The following ABLIM1 variants were observed in gnomAD, a reference collection of about 807,000 sequenced individuals.
ABLIM1 encodes the protein actin binding LIM protein 1.
A neutral mutation model predicts 107.0 loss-of-function variants in ABLIM1; 40 were observed. That is an observed-to-expected ratio of 0.37 (90% CI 0.29 to 0.49). The LOEUF is 0.49. Among genes scored for constraint, ABLIM1 ranks in the 20% least tolerant of loss-of-function variants. The pLI, the probability that ABLIM1 is intolerant of heterozygous loss-of-function variation, is 0.97. For synonymous variants in ABLIM1, 357 were observed against 357.3 expected (o/e 1.00, Z 0.01); for missense variants, 857 against 1,008.5 (o/e 0.85, Z 2.04).
At chr10:114,781,672 A>G in the ABLIM1 span, among the ~76,000 whole-genome samples, 2 of 145,554 alleles carry the variant, frequency 1.4e-5, no homozygotes, top group African/African-American at 2.6e-5. Flanking sequence ...GTGTATATAT[A>G]TATATATATA....
chr10:114,613,827 G>A, intron 1 of ABLIM1: 1 of 1,005,370 alleles, frequency 9.9e-7, no homozygotes, highest in East Asian at 6.1e-5. Flanking sequence ...GCTCCTTCAA[G>A]CTCTCTTATG....
chr10:114,444,129 G>C lies in ABLIM1; in HGVS notation c.1833C>G (p.Asn611Lys). 1 of 1,538,730 alleles carries C rather than the reference G, an allele frequency of 6.5e-7. No homozygotes were observed. Among genetic ancestry groups the C allele is most frequent in the Non-Finnish European group, 8.8e-7 (1 of 1,136,306 alleles). The change falls in exon 17 of 23, where the codon AAC becomes AAG. Residue 611 changes from asparagine (N) to lysine (K), a missense_variant. By Grantham distance (94) the Asn-to-Lys change is moderately conservative. This residue lies in a region of ABLIM1 where 4 missense variants were observed against 18.7 expected (regional missense o/e 0.21). Coordinates refer to ENST00000533213, the MANE Select transcript of ABLIM1 (RefSeq NM_002313.7). ...QLQEEQLMKLNSGLGQLILKE... is the reference protein window; with the variant it reads ...QLQEEQLMKLKSGLGQLILKE... ...TCAAGATCAACTGTCCCAGGCCTGA[G>C]TTAAGCTATTCACAGAAAAAAGGAA...
chr10:114,566,018 A>C (rs1486624737), intron 4 of ABLIM1, among the ~76,000 whole-genome samples: 1 of 151,958 alleles, frequency 6.6e-6, no homozygotes, highest in Non-Finnish European at 1.5e-5. Context: ...GATGGTCTCT[A>C]TCTCCTGACC....
the ABLIM1 span, among the ~76,000 whole-genome samples, chr10:114,791,039 AT>A: frequency 9.2e-5 from 14 of 152,330 alleles, no homozygotes; most frequent in East Asian, 2.5e-3. Flanking sequence ...TTAAAAAAAA[AT>A]CTGCCAAATC....
intron 1 of ABLIM1, among the ~76,000 whole-genome samples, chr10:114,604,694 A>C (rs1038399493): frequency 1.3e-5 from 2 of 152,248 alleles, no homozygotes; most frequent in Non-Finnish European, 2.9e-5. Context: ...TAGAATTTCA[A>C]AAGTAATTCA....
At chr10:114,489,231 T>C (rs2058608160) in intron 7 of ABLIM1, among the ~76,000 whole-genome samples, 1 of 152,126 alleles carries the variant, frequency 6.6e-6, no homozygotes, top group Admixed American at 6.5e-5. Context: ...TTGGCCAGGC[T>C]CTTTGGAACT....
intron 1 of ABLIM1, among the ~76,000 whole-genome samples, chr10:114,638,060 T>C (rs2078568047): frequency 6.6e-6 from 1 of 152,218 alleles, no homozygotes; most frequent in African/African-American, 2.4e-5. Context: ...GATGGACATA[T>C]CTATTTTTGC....
At chr10:114,667,126 G>A (rs992615507) in intron 1 of ABLIM1, among the ~76,000 whole-genome samples, 3 of 152,148 alleles carry the variant, frequency 2.0e-5, no homozygotes, top group Non-Finnish European at 4.4e-5. Flanking sequence ...TAAAAGCTGT[G>A]ATTTAAACCC....
chr10:114,604,077 C>T (rs1025629720), intron 1 of ABLIM1, among the ~76,000 whole-genome samples: 18 of 152,078 alleles, frequency 1.2e-4, no homozygotes, highest in African/African-American at 4.4e-4. Flanking sequence ...CTACTAAATG[C>T]CACACATAGT....
chr10:114,431,491 C>T lies in ABLIM1; in HGVS notation c.*4769G>A, dbSNP rs906321025. 6.6e-6 allele frequency: 1 copy of T among 152,226 alleles called. No individual in the cohort carries two copies. The highest frequency in any genetic ancestry group is 1.5e-5 in the Non-Finnish European group (1 of 68,034). 9.4% of individuals were successfully genotyped at this position (152,226 alleles called of 1,614,324 possible). On this transcript the variant is annotated 3_prime_UTR_variant, in exon 23 of 23. Transcript: ENST00000533213. ...TCAGAGAGCTTCAATGCGGAGTCAT[C>T]AGCAACTCGCAGGAACCACACACAT... is the stretch of plus-strand genomic sequence containing the variant.
intron 1 of ABLIM1, among the ~76,000 whole-genome samples, chr10:114,690,827 A>G (rs2081060778): frequency 6.6e-6 from 1 of 152,130 alleles, no homozygotes. Context: ...GACTACAGAC[A>G]TGCAACACTA....
chr10:114,791,818 A>C, the ABLIM1 span, among the ~76,000 whole-genome samples: 1 of 152,160 alleles, frequency 6.6e-6, no homozygotes, highest in Admixed American at 6.5e-5. Flanking sequence ...GAACCCTTAC[A>C]CTCTAGCTGC....
chr10:114,575,403 T>C lies in ABLIM1; in HGVS notation c.563+13A>G, dbSNP rs2072382960. The C allele has an allele frequency of 1.4e-5, 23 of 1,612,056 alleles. No individual in the cohort carries two copies. The highest frequency in any genetic ancestry group is 2.0e-5 in the Non-Finnish European group (23 of 1,178,884). On this transcript the variant is annotated intron_variant, in intron 3 of 22. Coordinates refer to ENST00000533213, the MANE Select transcript of ABLIM1 (RefSeq NM_002313.7). ...GAGGAAGGTGTAGGCTTTGGAAAGA[T>C]AGGCTCACTTACTTGCAGATAGTAC...
intron 1 of ABLIM1, among the ~76,000 whole-genome samples, chr10:114,718,105 GAAA>G (rs200438892): frequency 1.7e-5 from 1 of 57,318 alleles, no homozygotes; most frequent in Non-Finnish European, 5.9e-5. Flanking sequence ...AAAAGAAAAA[GAAA>G]AAGAAAGAAA....
chr10:114,511,928 T>C (rs1024739074), intron 6 of ABLIM1, among the ~76,000 whole-genome samples: 1 of 152,178 alleles, frequency 6.6e-6, no homozygotes, highest in African/African-American at 2.4e-5. Context: ...TTGAACACGG[T>C]GGCATCACTT....
At chr10:114,756,779 T>C (rs1240977414) in intron 1 of ABLIM1, among the ~76,000 whole-genome samples, 9 of 152,236 alleles carry the variant, frequency 5.9e-5, no homozygotes, top group Admixed American at 5.9e-4. Flanking sequence ...CCTATTTAAA[T>C]ATCACTTGCT....
chr10:114,490,153 T>C (rs2058724210), intron 7 of ABLIM1, among the ~76,000 whole-genome samples: 1 of 152,232 alleles, frequency 6.6e-6, no homozygotes, highest in Admixed American at 6.5e-5. Context: ...AAGTGACACC[T>C]GCCTATTGCC....
chr10:114,464,176 C>G (rs1589974373), intron 12 of ABLIM1, among the ~76,000 whole-genome samples: 1 of 151,118 alleles, frequency 6.6e-6, no homozygotes, highest in East Asian at 2.0e-4. Flanking sequence ...AGGGTGGCAG[C>G]ATAAAGGATT....
intron 6 of ABLIM1, among the ~76,000 whole-genome samples, chr10:114,536,496 C>T (rs2066046662): frequency 6.6e-6 from 1 of 152,084 alleles, no homozygotes; most frequent in Non-Finnish European, 1.5e-5. Flanking sequence ...GATCTGCCCA[C>T]CTTGGCCTCC....
Sources: allele counts gnomAD v4.1 joint callset (sites outside exome capture counted in the v4.1 genomes callset), GRCh38; gene constraint gnomAD v4.1.1; regional missense constraint gnomAD v4.1.1; transcripts MANE v1.5; gene names NCBI Gene and HGNC (gene_info 2026-07-23, HGNC 2026-07-21).